The following RTTN variants were observed in gnomAD, a reference collection of about 807,000 sequenced individuals.
RTTN encodes rotatin.
RTTN carries 182 observed loss-of-function variants against 269.2 expected under a neutral mutation model. That is an observed-to-expected ratio of 0.68 (90% CI 0.60 to 0.76). RTTN has a LOEUF of 0.76. Ranked by LOEUF, RTTN falls within the 30% of genes least tolerant of loss-of-function variation. The pLI is 0.00. For synonymous variants in RTTN, 1,006 were observed against 963.5 expected, an observed-to-expected ratio of 1.04 and a Z score of -0.82; for missense variants, 2,545 against 2,608.6, an observed-to-expected ratio of 0.98 and a Z score of 0.53.
At chr18:70,162,225 C>T (rs982344128) in intron 14 of RTTN, among the ~76,000 whole-genome samples, 4 of 152,030 alleles carry the variant, frequency 2.6e-5, no homozygotes, top group Admixed American at 6.6e-5. Context: ...TGGATGCAAC[C>T]AGAGGCCATT....
chr18:70,150,776 GA>G (rs1166857813), intron 14 of RTTN, 43 bp from the exon 15 acceptor site: 1 of 1,443,420 alleles, frequency 6.9e-7, no homozygotes, highest in Middle Eastern at 2.4e-4. Flanking sequence ...TAGCAACACT[GA>G]TTTTTCCAAA....
intron 32 of RTTN, among the ~76,000 whole-genome samples, chr18:70,081,769 T>C (rs1197768827): frequency 6.6e-6 from 1 of 152,272 alleles, no homozygotes; most frequent in East Asian, 1.9e-4. Flanking sequence ...GATCCAGGAT[T>C]GGATTTTTTT....
At chr18:70,087,458 C>G (rs2058730529) in intron 31 of RTTN, among the ~76,000 whole-genome samples, 2 of 152,000 alleles carry the variant, frequency 1.3e-5, no homozygotes, top group Admixed American at 1.3e-4. Flanking sequence ...ATGGTGGACC[C>G]AGGAGCTGCT....
At chr18:70,089,931 C>G (rs988080975) in intron 30 of RTTN, among the ~76,000 whole-genome samples, 1 of 152,004 alleles carries the variant, frequency 6.6e-6, no homozygotes, top group African/African-American at 2.4e-5. Context: ...GAAACAAGAA[C>G]AAGATTTGAA....
intron 31 of RTTN, among the ~76,000 whole-genome samples, 179 bp from the exon 32 acceptor site, chr18:70,086,863 A>G (rs1318886937): frequency 1.3e-5 from 2 of 152,148 alleles, no homozygotes; most frequent in African/African-American, 4.8e-5. Flanking sequence ...ATTTCTTGTT[A>G]GGTGATGACC....
intron 19 of RTTN, among the ~76,000 whole-genome samples, chr18:70,140,466 G>A (rs889492341): frequency 6.6e-5 from 10 of 152,196 alleles, no homozygotes; most frequent in Admixed American, 2.6e-4. Context: ...TGAAAACTAC[G>A]AGAATTTAAG....
chr18:70,098,500 T>C (rs1447120930), intron 28 of RTTN, among the ~76,000 whole-genome samples: 1 of 152,194 alleles, frequency 6.6e-6, no homozygotes, highest in Non-Finnish European at 1.5e-5. Context: ...CTAGAGGAGC[T>C]GACTTTCTAA....
At chr18:70,032,896 G>A (rs1292527711) in intron 40 of RTTN, among the ~76,000 whole-genome samples, 1 of 152,130 alleles carries the variant, frequency 6.6e-6, no homozygotes, top group Non-Finnish European at 1.5e-5. Context: ...TTGCCACATG[G>A]CACATACTCT....
intron 14 of RTTN, among the ~76,000 whole-genome samples, chr18:70,152,374 G>A (rs1040902857): frequency 1.5e-4 from 23 of 152,072 alleles, no homozygotes; most frequent in South Asian, 6.2e-4. Context: ...AAGTATCTCC[G>A]TTTTCAGAAA....
chr18:70,087,898 C>T (rs755988460), intron 31 of RTTN, 91 bp downstream of exon 31: 21 of 1,307,616 alleles, frequency 1.6e-5, no homozygotes, highest in Non-Finnish European at 2.2e-5. Flanking sequence ...GGTCAGTGGT[C>T]AGTCCACCAT....
At chr18:70,128,045 T>C (rs1488851002) in intron 24 of RTTN, 1 of 426,002 alleles carries the variant, frequency 2.3e-6, no homozygotes, top group Non-Finnish European at 4.2e-6. Context: ...CACTCATGCA[T>C]ATACTTACTG....
chr18:70,118,961 C>CACTGAAAAACT lies in RTTN; in HGVS notation c.3528+2594_3528+2595insAGTTTTTCAGT, dbSNP rs1568412642. 3.3e-5 allele frequency among the ~76,000 whole-genome samples: 5 copies of CACTGAAAAACT among 151,992 alleles called. No individual in the cohort carries two copies. In the East Asian group the frequency reaches 9.6e-4, roughly 29 times the overall value. ...ACAATAAAGGCCATATATGAAAAACCCACAGCTAACATCATTCTCAATGGT... is the reference window on the plus strand; with the variant it reads ...ACAATAAAGGCCATATATGAAAAACCACTGAAAAACTCACAGCTAACATCATTCTCAATGGT... On this transcript the variant is annotated intron_variant, in intron 26 of 48. Coordinates refer to ENST00000640769, the MANE Select transcript of RTTN (RefSeq NM_173630.4).
intron 40 of RTTN, among the ~76,000 whole-genome samples, chr18:70,043,249 C>A (rs2144735542): frequency 6.6e-6 from 1 of 152,234 alleles, no homozygotes; most frequent in South Asian, 2.1e-4. Context: ...TAAAATAATA[C>A]AATAATTACC....
At chr18:70,106,778 A>T (rs1181619806) in intron 28 of RTTN, among the ~76,000 whole-genome samples, 2 of 152,166 alleles carry the variant, frequency 1.3e-5, no homozygotes, top group African/African-American at 4.8e-5. Flanking sequence ...GATGTCAAGA[A>T]GTCACCCACA....
At chr18:70,013,312 T>G (rs2056446025) in intron 46 of RTTN, among the ~76,000 whole-genome samples, 1 of 146,836 alleles carries the variant, frequency 6.8e-6, no homozygotes, top group Non-Finnish European at 1.5e-5. Flanking sequence ...TCCTCTGATC[T>G]AAGTAAGTTT....
chr18:70,100,060 C>T (rs190484951), intron 28 of RTTN, among the ~76,000 whole-genome samples: 1 of 152,306 alleles, frequency 6.6e-6, no homozygotes, highest in East Asian at 1.9e-4. Context: ...CTTGGCAATG[C>T]AGGCTCTTTT....
At chr18:70,077,065 G>A (rs140201972) in intron 32 of RTTN, among the ~76,000 whole-genome samples, 45 of 151,812 alleles carry the variant, frequency 3.0e-4, no homozygotes, top group African/African-American at 1.0e-3. Flanking sequence ...TATAGGGAAG[G>A]AATTAACAAA....
At chr18:70,179,473 T>C (rs1047597824) in intron 10 of RTTN, among the ~76,000 whole-genome samples, 14 of 152,164 alleles carry the variant, frequency 9.2e-5, no homozygotes. Flanking sequence ...ATAAAAAAAA[T>C]GGCTTTTTGT....
intron 28 of RTTN, among the ~76,000 whole-genome samples, chr18:70,107,099 G>C (rs962205376): frequency 6.6e-6 from 1 of 152,152 alleles, no homozygotes; most frequent in Admixed American, 6.5e-5. Context: ...AAACAAAGGG[G>C]CCAGATGACT....
Sources: allele counts gnomAD v4.1 joint callset (sites outside exome capture counted in the v4.1 genomes callset), GRCh38; gene constraint gnomAD v4.1.1; transcripts MANE v1.5; gene names NCBI Gene and HGNC (gene_info 2026-07-23, HGNC 2026-07-21).